Variants in CACNA1E observed in about 807,000 individuals in gnomAD.
CACNA1E encodes the protein calcium voltage-gated channel subunit alpha1 E.
CACNA1E carries 40 observed loss-of-function variants against 259.2 expected under a neutral mutation model. The observed-to-expected ratio is 0.15, with a 90% CI of 0.12 to 0.20. The LOEUF is 0.20. CACNA1E is among the 10% of genes least tolerant of loss of function. The pLI is 1.00. For missense variants in CACNA1E, 1,874 were observed against 3,040.1 expected (o/e 0.62, Z 9.02); for synonymous variants, 1,104 against 1,138.5 (o/e 0.97, Z 0.61).
At chr1:181,565,917 T>C (rs1198708275) in intron 3 of CACNA1E, among the ~76,000 whole-genome samples, 1 of 152,120 alleles carries the variant, frequency 6.6e-6, no homozygotes, top group Non-Finnish European at 1.5e-5. Flanking sequence ...GTGTGGGTGG[T>C]AGATCAACAG....
chr1:181,748,195 G>A lies in CACNA1E; in HGVS notation c.3720-2281G>A, dbSNP rs140081181. 7.2e-4 allele frequency among the ~76,000 whole-genome samples: 110 copies of A among 152,244 alleles called. 2 individuals are homozygous for A. In the East Asian group the frequency reaches 0.015, roughly 21 times the overall value. ...CCTTGGCTCAGACCTGTGGGAGTTA[G>A]GATGTGACAAATAGCCCCCCCAGTG... On this transcript the variant is annotated intron_variant, in intron 25 of 47. Transcript: ENST00000367573.
intron 1 of CACNA1E, among the ~76,000 whole-genome samples, chr1:181,409,707 G>A (rs567965311): frequency 6.6e-5 from 10 of 152,284 alleles, no homozygotes; most frequent in African/African-American, 2.4e-4. Flanking sequence ...ACTGGGGACT[G>A]ATCGGCTTGG....
intron 43 of CACNA1E, among the ~76,000 whole-genome samples, chr1:181,786,263 C>G (rs1660836912): frequency 6.6e-6 from 1 of 152,184 alleles, no homozygotes; most frequent in Admixed American, 6.5e-5. Flanking sequence ...GAGGTTGACA[C>G]TTATAGAGAC....
chr1:181,779,358 C>G (rs914785001), intron 38 of CACNA1E: 24 of 318,282 alleles, frequency 7.5e-5, no homozygotes, highest in Non-Finnish European at 1.6e-4. Context: ...TGACCTCTTT[C>G]AGCCATCCTC....
chr1:181,319,381 G>T (rs2609479), intron 1 of CACNA1E, among the ~76,000 whole-genome samples: 6,551 of 152,272 alleles, frequency 0.043, 289 homozygotes, highest in African/African-American at 0.12. Flanking sequence ...CTCTCCTGGG[G>T]TTGGGATTTG....
At chr1:181,489,450 C>T (rs757760638) in intron 1 of CACNA1E, among the ~76,000 whole-genome samples, 10 of 152,196 alleles carry the variant, frequency 6.6e-5, no homozygotes, top group Non-Finnish European at 1.3e-4. Context: ...CAGGAATCTA[C>T]TTTTTCTCTA....
chr1:181,576,892 T>C (rs2102964688), intron 3 of CACNA1E, among the ~76,000 whole-genome samples: 1 of 152,338 alleles, frequency 6.6e-6, no homozygotes, highest in East Asian at 1.9e-4. Context: ...GATACCCCCT[T>C]ATTTTAGAGA....
At chr1:181,795,787 T>TATATATATATATATATATATA (rs1410248740) in intron 46 of CACNA1E, among the ~76,000 whole-genome samples, 51 of 143,648 alleles carry the variant, frequency 3.6e-4, no homozygotes, top group Non-Finnish European at 6.1e-4. Flanking sequence ...TATATATATA[T>TATATATATATATATATATATA]TAGTCTGGCT....
At chr1:181,518,814 T>C in intron 3 of CACNA1E, among the ~76,000 whole-genome samples, 1 of 152,192 alleles carries the variant, frequency 6.6e-6, no homozygotes, top group East Asian at 1.9e-4. Flanking sequence ...AGGCTTCTTC[T>C]TGCCACCCCC....
chr1:181,777,743 C>T (rs1660089302), intron 38 of CACNA1E, among the ~76,000 whole-genome samples: 1 of 152,170 alleles, frequency 6.6e-6, no homozygotes, highest in Non-Finnish European at 1.5e-5. Context: ...TCATGTGTAA[C>T]TGTTATTATA....
At chr1:181,471,958 T>C (rs1662537874) in intron 2 of CACNA1E, among the ~76,000 whole-genome samples, 1 of 152,188 alleles carries the variant, frequency 6.6e-6, no homozygotes, top group Non-Finnish European at 1.5e-5. Flanking sequence ...ACCCTCATGT[T>C]CATTGCAGCA....
intron 32 of CACNA1E, among the ~76,000 whole-genome samples, chr1:181,759,289 C>T (rs1572821527): frequency 6.6e-6 from 1 of 152,188 alleles, no homozygotes; most frequent in East Asian, 1.9e-4. Context: ...TAGATTTTTA[C>T]CTATTAGTCC....
chr1:181,586,337 G>C (rs1489124661), intron 6 of CACNA1E, among the ~76,000 whole-genome samples: 1 of 152,114 alleles, frequency 6.6e-6, no homozygotes, highest in African/African-American at 2.4e-5. Context: ...ATGGTAGAAG[G>C]CTTGGCTGGA....
intron 3 of CACNA1E, among the ~76,000 whole-genome samples, chr1:181,532,507 GCAGA>G: frequency 6.6e-6 from 1 of 152,230 alleles, no homozygotes; most frequent in African/African-American, 2.4e-5. Context: ...ACCTCCAGGG[GCAGA>G]GCACGTTGCA....
At chr1:181,434,194 CTCA>C (rs1260334706) in intron 2 of CACNA1E, among the ~76,000 whole-genome samples, 1 of 152,148 alleles carries the variant, frequency 6.6e-6, no homozygotes, top group African/African-American at 2.4e-5. Context: ...TAGTGCTCAC[CTCA>C]TAGGTCTGTT....
At chr1:181,532,507 G>A (rs541656654) in intron 3 of CACNA1E, among the ~76,000 whole-genome samples, 14 of 152,348 alleles carry the variant, frequency 9.2e-5, no homozygotes, top group East Asian at 1.9e-4. Context: ...ACCTCCAGGG[G>A]CAGAGCACGT....
At chr1:181,341,216 T>G (rs1652119525) in intron 1 of CACNA1E, among the ~76,000 whole-genome samples, 1 of 152,086 alleles carries the variant, frequency 6.6e-6, no homozygotes, top group Non-Finnish European at 1.5e-5. Flanking sequence ...GCCTTGCTGC[T>G]CTGGGTCTGT....
intron 1 of CACNA1E, among the ~76,000 whole-genome samples, chr1:181,389,909 C>G (rs1656135310): frequency 6.6e-6 from 1 of 152,204 alleles, no homozygotes; most frequent in South Asian, 2.1e-4. Context: ...TAGGTTAATT[C>G]AGAAAATCAA....
chr1:181,701,586 G>A (rs551186608), intron 7 of CACNA1E, among the ~76,000 whole-genome samples: 16 of 152,114 alleles, frequency 1.1e-4, no homozygotes, highest in Non-Finnish European at 1.6e-4. Flanking sequence ...GCAGACTGGC[G>A]GAGAATTAAA....
Sources: allele counts gnomAD v4.1 joint callset (sites outside exome capture counted in the v4.1 genomes callset), GRCh38; gene constraint gnomAD v4.1.1; transcripts MANE v1.5; gene names NCBI Gene and HGNC (gene_info 2026-07-23, HGNC 2026-07-21).